Variants in SEMA6D observed in about 807,000 individuals in gnomAD.
SEMA6D encodes the protein semaphorin-6D.
Under a neutral mutation model 106.6 loss-of-function variants are expected in SEMA6D, and 35 were observed. The observed-to-expected ratio is 0.33, with a 90% confidence interval of 0.25 to 0.44. The LOEUF is 0.44. SEMA6D is among the 20% of genes least tolerant of loss of function. SEMA6D has a pLI of 1.00. For missense variants in SEMA6D, 1,185 were observed against 1,345.9 expected (o/e 0.88, Z 1.87); for synonymous variants, 499 against 487.7 (o/e 1.02, Z -0.31).
At chr15:47,533,459 G>C (rs1239981094) in intron 3 of SEMA6D, among the ~76,000 whole-genome samples, 4 of 152,180 alleles carry the variant, frequency 2.6e-5, no homozygotes, top group Non-Finnish European at 4.4e-5. Context: ...GAATATTGTA[G>C]AGAGTACAAT....
chr15:47,289,393 CAAAAAAA>C (rs746946975), intron 1 of SEMA6D, among the ~76,000 whole-genome samples: 6 of 46,544 alleles, frequency 1.3e-4, no homozygotes, highest in African/African-American at 2.4e-4. Flanking sequence ...AACTCCATCT[CAAAAAAA>C]AAAAAAAAAA....
At chr15:47,348,778 T>A (rs1322596575) in intron 1 of SEMA6D, among the ~76,000 whole-genome samples, 1 of 113,556 alleles carries the variant, frequency 8.8e-6, no homozygotes, top group Non-Finnish European at 1.8e-5. Context: ...TTTTTCCTGC[T>A]ATGCCAGACC....
chr15:47,687,957 T>C (rs1167114228), intron 4 of SEMA6D, among the ~76,000 whole-genome samples: 1 of 152,180 alleles, frequency 6.6e-6, no homozygotes, highest in African/African-American at 2.4e-5. Flanking sequence ...TGATAGCTCA[T>C]GTTCCTGTGC....
chr15:47,304,359 T>C (rs1167175143), intron 1 of SEMA6D, among the ~76,000 whole-genome samples: 1 of 142,172 alleles, frequency 7.0e-6, no homozygotes, highest in Non-Finnish European at 1.5e-5. Context: ...GGCAGAAGAA[T>C]TGCTTAAACC....
intron 1 of SEMA6D, among the ~76,000 whole-genome samples, chr15:47,269,250 AG>A (rs2034453493): frequency 6.6e-6 from 1 of 152,128 alleles, no homozygotes; most frequent in African/African-American, 2.4e-5. Flanking sequence ...TCTTTCAGAA[AG>A]GGCTACTTAC....
intron 1 of SEMA6D, among the ~76,000 whole-genome samples, chr15:47,225,240 C>CT (rs1392925179): frequency 4.6e-5 from 7 of 152,010 alleles, no homozygotes. Flanking sequence ...GTCAAACTGT[C>CT]TTCAAGGTGG....
chr15:47,395,670 G>A (rs2040191064), intron 1 of SEMA6D: 2 of 152,174 alleles, frequency 1.3e-5, no homozygotes, highest in Non-Finnish European at 2.9e-5. Flanking sequence ...CCACCACCAG[G>A]CAAGCTATAC....
chr15:47,553,215 A>G (rs373855145), intron 3 of SEMA6D, among the ~76,000 whole-genome samples: 1 of 151,856 alleles, frequency 6.6e-6, no homozygotes, highest in Non-Finnish European at 1.5e-5. Flanking sequence ...ACCTGTTTCA[A>G]TTTTATGCCC....
chr15:47,298,395 A>C (rs1279692614), intron 1 of SEMA6D, among the ~76,000 whole-genome samples: 4 of 152,146 alleles, frequency 2.6e-5, no homozygotes, highest in Non-Finnish European at 5.9e-5. Context: ...ATAAGGGGGA[A>C]GTCAAAAATA....
intron 4 of SEMA6D, among the ~76,000 whole-genome samples, chr15:47,637,380 T>C (rs1258213217): frequency 6.6e-6 from 1 of 152,212 alleles, no homozygotes; most frequent in East Asian, 1.9e-4. Context: ...GGGCAACTGC[T>C]TGGCTGGTCC....
chr15:47,537,754 T>G (rs971656502), intron 3 of SEMA6D, among the ~76,000 whole-genome samples: 31 of 152,168 alleles, frequency 2.0e-4, no homozygotes, highest in African/African-American at 7.5e-4. Context: ...AGGAAGGAAG[T>G]AATCAAGGAT....
At chr15:47,199,794 A>ATG (rs200661267) in intron 1 of SEMA6D, among the ~76,000 whole-genome samples, 31 of 151,904 alleles carry the variant, frequency 2.0e-4, no homozygotes, top group Non-Finnish European at 3.4e-4. Flanking sequence ...TTTTGTGTAT[A>ATG]TGTGTGTGTG....
chr15:47,572,820 G>C (rs2076086802), intron 3 of SEMA6D, among the ~76,000 whole-genome samples: 1 of 151,942 alleles, frequency 6.6e-6, no homozygotes, highest in Non-Finnish European at 1.5e-5. Context: ...TCATTAATCT[G>C]TTCAATTAAT....
intron 1 of SEMA6D, among the ~76,000 whole-genome samples, chr15:47,311,937 A>G (rs2036463485): frequency 1.3e-5 from 2 of 152,164 alleles, no homozygotes; most frequent in African/African-American, 4.8e-5. Flanking sequence ...AGCTCTGTGT[A>G]AGGAGACTTT....
chr15:47,332,337 A>T (rs986712673), intron 1 of SEMA6D, among the ~76,000 whole-genome samples: 27 of 152,304 alleles, frequency 1.8e-4, no homozygotes, highest in African/African-American at 6.0e-4. Context: ...CTAGCCTTGC[A>T]CATGTCGGCC....
Position 47,195,754 on chromosome 15 carries a change from G to T in SEMA6D, c.-239+11336G>T, listed in dbSNP as rs547698404. On this transcript the variant is annotated intron_variant, in intron 1 of 19. Transcript: ENST00000558014. ...TGAACATTTATCATGAATGAGCACAGCCTTCTATTCTCTTGTCTACCTCTT... is the reference window on the plus strand; with the variant it reads ...TGAACATTTATCATGAATGAGCACATCCTTCTATTCTCTTGTCTACCTCTT... Among the ~76,000 whole-genome samples, 14 of 152,278 alleles carry T rather than the reference G, an allele frequency of 9.2e-5. No homozygotes were observed. In the South Asian group the frequency reaches 2.9e-3, roughly 32 times the overall value.
chr15:47,722,318 G>A (rs2146352234), intron 1 of SEMA6D, among the ~76,000 whole-genome samples: 1 of 152,320 alleles, frequency 6.6e-6, no homozygotes, highest in South Asian at 2.1e-4. Context: ...CCTTCAGCCT[G>A]TGATCCCAAA....
At chr15:47,444,408 A>G (rs2041969748) in intron 2 of SEMA6D, among the ~76,000 whole-genome samples, 1 of 152,114 alleles carries the variant, frequency 6.6e-6, no homozygotes, top group African/African-American at 2.4e-5. Flanking sequence ...AGAGTTTGGG[A>G]TCAGCAGGTT....
Position 47,537,179 on chromosome 15 carries a change from AAAAC to A in SEMA6D, c.-86-63680_-86-63677del, listed in dbSNP as rs1422129969. 6.6e-5 allele frequency among the ~76,000 whole-genome samples: 10 copies of A among 152,360 alleles called. No homozygotes were observed. In the East Asian group the frequency reaches 1.9e-3, roughly 29 times the overall value. ...TTAATTTTATAGTCAGAAAGTGAGA[AAAAC>A]AAACATTCCTCTTTTCACACTACAA... On this transcript the variant is annotated intron_variant, in intron 3 of 19. Coordinates refer to the SEMA6D transcript ENST00000558014.
Sources: allele counts gnomAD v4.1 joint callset (sites outside exome capture counted in the v4.1 genomes callset), GRCh38; gene constraint gnomAD v4.1.1; transcripts MANE v1.5; gene names NCBI Gene and HGNC (gene_info 2026-07-23, HGNC 2026-07-21).